Variants in RTEL1 observed in about 807,000 individuals in gnomAD.
The protein encoded by RTEL1 is regulator of telomere length.
A neutral mutation model predicts 162.2 loss-of-function variants in RTEL1; 86 were observed. The ratio of observed to expected loss-of-function variants is 0.53; its 90% confidence interval spans 0.45 to 0.63. The LOEUF is 0.63. Among genes scored for constraint, RTEL1 ranks in the 30% least tolerant of loss-of-function variants. The pLI is 0.00. For missense variants in RTEL1, 1,941 were observed against 1,750.2 expected (o/e 1.11, Z -1.95); for synonymous variants, 958 against 717.9 (o/e 1.33, Z -5.35).
intron 14 of RTEL1, chr20:63,682,636 C>T (rs975357536): frequency 1.9e-5 from 19 of 985,764 alleles, no homozygotes; most frequent in Admixed American, 6.1e-5. Context: ...TGCTCACCCG[C>T]GTTGGCTCCT....
Position 63,679,838 on chromosome 20 carries a change from C to T in RTEL1, c.1038-11C>T, listed in dbSNP as rs2146217189. 4.4e-6 allele frequency: 7 copies of T among 1,607,054 alleles called. No individual in the cohort carries two copies. Among genetic ancestry groups the T allele is most frequent in the Non-Finnish European group, 5.9e-6 (7 of 1,178,252 alleles). On this transcript the variant is annotated splice_polypyrimidine_tract_variant and intron_variant, in intron 12 of 34. Transcript: ENST00000360203. ...CCGCCAGGCTCGAGCCTGCCTTCTT[C>T]TCCTCGGCAGCTACATCTTTGAGCT...
chr20:63,687,826 G>T, intron 17 of RTEL1, 56 bp downstream of exon 17: 1 of 1,555,170 alleles, frequency 6.4e-7, no homozygotes, highest in Non-Finnish European at 8.7e-7. Flanking sequence ...ACATCAGCGG[G>T]GTGGAAGTGG....
At chr20:63,681,020 G>T (rs1176405325) in intron 14 of RTEL1, 11 of 985,408 alleles carry the variant, frequency 1.1e-5, no homozygotes, top group Non-Finnish European at 1.2e-5. Flanking sequence ...CTCAGGCCAG[G>T]GGGGACCCAC....
rs374441172 is a variant in RTEL1 at position 63,695,083 on chromosome 20, C to T, written c.3361C>T (p.Arg1121Cys). 3.9e-5 allele frequency: 63 copies of T among 1,612,078 alleles called. No homozygotes were observed. The African/African-American group carries it at 4.5e-4, about 12-fold the overall frequency. ...CCCCGCAGGGTTCAGCATGTTTGTG[C>T]GTCCACACCACAAGCAGCGCTTCTC... ...PLLHRFSMFV[R>C]PHHKQRFSQT... is the part of the protein sequence containing the mutation. Residue 1121 changes from arginine (R) to cysteine (C), a missense_variant, in exon 33 of 35, where the codon CGT becomes TGT. Coordinates refer to ENST00000360203, the MANE Select transcript of RTEL1 (RefSeq NM_001283009.2).
intron 16 of RTEL1, chr20:63,686,266 G>A (rs1306419505): frequency 7.4e-6 from 2 of 271,406 alleles, no homozygotes; most frequent in African/African-American, 2.2e-5. Context: ...ATCTGAAGGG[G>A]GCCCGGCTGG....
intron 14 of RTEL1, chr20:63,681,206 T>C: frequency 1.0e-6 from 1 of 985,392 alleles, no homozygotes; most frequent in Non-Finnish European, 1.2e-6. Flanking sequence ...ATTGGCCCCG[T>C]CCTGTCCTGC....
chr20:63,666,969 A>T (rs997142190), intron 7 of RTEL1, among the ~76,000 whole-genome samples: 1 of 150,916 alleles, frequency 6.6e-6, no homozygotes, highest in African/African-American at 2.4e-5. Context: ...CCTCCCGAGT[A>T]GCTGGGACTA....
chr20:63,681,279 G>A lies in RTEL1; in HGVS notation c.1191+560G>A, dbSNP rs971857822. ...GCCTATGGCAGCACCTGCTTTCCCTGGCGTAGAGGTGCTTGTCCGGTTTGT... is the reference window on the plus strand; with the variant it reads ...GCCTATGGCAGCACCTGCTTTCCCTAGCGTAGAGGTGCTTGTCCGGTTTGT... On this transcript the variant is annotated intron_variant, in intron 14 of 34. Transcript: ENST00000360203. 2.1e-5 allele frequency: 21 copies of A among 985,408 alleles called. No homozygotes were observed. In the African/African-American group the frequency reaches 3.1e-4, roughly 15 times the overall value. The allele number at this position is 985,408 out of a possible 1,614,324, so 61.0% of individuals were successfully genotyped here.
Position 63,696,007 on chromosome 20 carries a change from T to C in RTEL1, c.*149T>C. 1 of 767,220 alleles carries C rather than the reference T, an allele frequency of 1.3e-6. No homozygotes were observed. The highest frequency in any genetic ancestry group is 2.1e-6 in the Non-Finnish European group (1 of 483,810). The allele number at this position is 767,220 out of a possible 1,614,324, so 47.5% of individuals were successfully genotyped here. A position where few individuals can be genotyped will look rare whatever the true frequency, so the allele number is the denominator to read the frequency against. ...GCCTCAGGCAGGCGGGGCCCATGGT[T>C]GGTCCCTGCGGTGGGACCGGATCTG... On this transcript the variant is annotated 3_prime_UTR_variant, in exon 35 of 35. Coordinates refer to ENST00000360203, the MANE Select transcript of RTEL1 (RefSeq NM_001283009.2).
intron 14 of RTEL1, 54 bp from the exon 15 acceptor site, chr20:63,685,469 G>A: frequency 6.3e-7 from 1 of 1,574,830 alleles, no homozygotes; most frequent in Non-Finnish European, 8.7e-7. Context: ...TGATGCTGCA[G>A]AAAGTCGGGT....
Position 63,674,077 on chromosome 20 carries a change from G to T in RTEL1, c.903G>T (p.Ala301=). Reference sequence around the variant, plus strand: ...GTGAGCCCCACCCGGAGTTCAGCGCGGACTCCCCCAGCCCAGGTGCGTTCA... The same window carrying T: ...GTGAGCCCCACCCGGAGTTCAGCGCTGACTCCCCCAGCCCAGGTGCGTTCA... ...QQGEPHPEFS[A]DSPSPGLNME... is the part of the protein sequence containing the mutation. Residue 301 remains alanine (A), a synonymous_variant, in exon 10 of 35, where the codon GCG becomes GCT. Transcript: ENST00000360203. 6.2e-7 allele frequency: 1 copy of T among 1,611,558 alleles called. No individual in the cohort carries two copies. The highest frequency in any genetic ancestry group is 2.2e-5 in the East Asian group (1 of 44,828).
Position 63,695,466 on chromosome 20 carries a change from C to T in RTEL1, c.3638C>T (p.Ala1213Val). 1.9e-6 allele frequency: 3 copies of T among 1,600,128 alleles called. 1 individual carries two copies. Among genetic ancestry groups the T allele is most frequent in the South Asian group, 2.2e-5 (2 of 89,030 alleles). The change falls in exon 34 of 35, where the codon GCA (alanine) becomes GTA (valine). Residue 1213 changes from alanine to valine, a missense_variant. Ala to Val is a moderately conservative substitution (Grantham distance 64). Transcript: ENST00000360203. Reference protein sequence around the residue: ...SQSSGPPHGPAASEWGEPHGR... With the variant: ...SQSSGPPHGPVASEWGEPHGR... ...TCCTCAGGACCTCCCCACGGGCCTG[C>T]AGCATCTGAGTGGGGTGAGCCTCAT...
chr20:63,662,771 T>C (rs1158553039), intron 5 of RTEL1, 58 bp from the exon 6 acceptor site: 2 of 1,604,114 alleles, frequency 1.2e-6, no homozygotes, highest in African/African-American at 2.7e-5. Context: ...GGGTGGGGAC[T>C]GGCTTCGGTC....
In RTEL1 at chr20:63,662,670, G is replaced by A. The variant is rs73920922; in HGVS notation, c.477+43G>A. 6,133 of 1,611,748 alleles carry A rather than the reference G, an allele frequency of 3.8e-3. 205 individuals are homozygous for A. In the African/African-American group the frequency reaches 0.074, roughly 19 times the overall value. The stretch of plus-strand genomic sequence containing the variant: ...CGCTCCGGCTCAGTGTCCGACAGGC[G>A]AGTGCTGCTGGGTGTCCAGAGCCCC... On this transcript the variant is annotated intron_variant, in intron 5 of 34. Coordinates refer to ENST00000360203, the MANE Select transcript of RTEL1 (RefSeq NM_001283009.2).
At chr20:63,682,515 C>T (rs1034748771) in intron 14 of RTEL1, 9 of 985,652 alleles carry the variant, frequency 9.1e-6, no homozygotes, top group Admixed American at 1.2e-4. Flanking sequence ...CCGAATCCTG[C>T]ACACTCCATC....
rs747329908 is a variant in RTEL1, at chr20:63,693,023, C to T, written c.2851+20C>T. ...TCCAAGGTGCCCTGGCTTGCAGAGG[C>T]CACCCACCCTGAGGGCAGTGCTGCC... On this transcript the variant is annotated intron_variant, in intron 29 of 34. Coordinates refer to ENST00000360203, the MANE Select transcript of RTEL1 (RefSeq NM_001283009.2). The T allele has an allele frequency of 4.3e-6, 7 of 1,611,810 alleles. No homozygotes were observed. The highest frequency in any genetic ancestry group is 4.0e-5 in the African/African-American group (3 of 74,910).
At chr20:63,680,763 C>T (rs758461993) in intron 14 of RTEL1, 44 bp downstream of exon 14, 20 of 1,610,106 alleles carry the variant, frequency 1.2e-5, no homozygotes, top group South Asian at 6.6e-5. Flanking sequence ...TGATGGAAGC[C>T]GGGCGGGTGC....
At position 63,694,630 on chromosome 20, in the gene RTEL1, C is replaced by T. The variant is rs1012037084; in HGVS notation, c.3110-111C>T. The T allele has an allele frequency of 1.5e-5, 19 of 1,227,208 alleles. No individual in the cohort carries two copies. The African/African-American group carries it at 2.9e-4, about 19-fold the overall frequency. The allele number at this position is 1,227,208 out of a possible 1,614,324, so 76.0% of individuals were successfully genotyped here. A position where few individuals can be genotyped will look rare whatever the true frequency, so the allele number is the denominator to read the frequency against. ...GGACTGCTCCCGGTTCTGCACCCCG[C>T]AGTTGTCCTGAGCAGCTCTCCAGGA... On this transcript the variant is annotated intron_variant, in intron 31 of 34. Transcript: ENST00000360203.
In RTEL1 at chr20:63,688,005, C is replaced by G; in HGVS notation, c.1550C>G (p.Pro517Arg). The G allele has an allele frequency of 6.2e-7, 1 of 1,612,840 alleles. No individual in the cohort carries two copies. ...DKHQIWVGVV[P>R]RGPDGAQLSS... ...CACCAGATCTGGGTGGGGGTCGTCC[C>G]CAGAGGCCCCGATGGAGCCCAGTTG... is the stretch of plus-strand genomic sequence containing the variant. Residue 517 changes from proline (P) to arginine (R), a missense_variant, in exon 18 of 35, where the codon CCC becomes CGC. Coordinates refer to ENST00000360203, the MANE Select transcript of RTEL1 (RefSeq NM_001283009.2).
Sources: allele counts gnomAD v4.1 joint callset (sites outside exome capture counted in the v4.1 genomes callset), GRCh38; gene constraint gnomAD v4.1.1; transcripts MANE v1.5; gene names NCBI Gene and HGNC (gene_info 2026-07-23, HGNC 2026-07-21).